The following RIPOR3 variants were observed in gnomAD, a reference collection of about 807,000 sequenced individuals.
The protein encoded by RIPOR3 is RIPOR family member 3, also known as family with sequence similarity 65 member C.
A neutral mutation model predicts 114.3 loss-of-function variants in RIPOR3; 95 were observed. That is an observed-to-expected ratio of 0.83 (90% CI 0.70 to 0.99). The LOEUF (loss-of-function observed/expected upper bound fraction) is 0.99. Ranked by LOEUF, RIPOR3 falls within the 50% of genes least tolerant of loss-of-function variation. The pLI is 0.00. For synonymous variants in RIPOR3, 575 were observed against 543.8 expected (o/e 1.06, Z -0.80); for missense variants, 1,252 against 1,266.9 (o/e 0.99, Z 0.18).
chr20:50,650,312 T>A (rs1338709893), intron 1 of RIPOR3, among the ~76,000 whole-genome samples: 1 of 151,908 alleles, frequency 6.6e-6, no homozygotes, highest in African/African-American at 2.4e-5. Context: ...ACATAGGAAT[T>A]TTTTTTTGAG....
intron 1 of RIPOR3, among the ~76,000 whole-genome samples, chr20:50,667,328 C>G (rs1227850546): frequency 1.7e-5 from 2 of 119,758 alleles, no homozygotes; most frequent in Non-Finnish European, 3.2e-5. Flanking sequence ...GAGTCTCGCT[C>G]TGTTACCCAG....
chr20:50,597,531 C>G lies in RIPOR3; in HGVS notation c.1790+49G>C. The G allele has an allele frequency of 1.9e-6, 3 of 1,567,356 alleles. No homozygotes were observed. In the South Asian group the frequency reaches 3.5e-5, roughly 18 times the overall value. On this transcript the variant is annotated intron_variant, in intron 14 of 21. Transcript: ENST00000327979. ...CAGGAAACGTGGAGCTCGGGTCACC[C>G]GGTGGGAGTGGTGGCCACTGGGTCA...
chr20:50,590,815 C>CTT lies in RIPOR3; in HGVS notation c.2578-1048_2578-1047dup, dbSNP rs11476746. Among the ~76,000 whole-genome samples, 163 of 131,666 alleles carry CTT rather than the reference C, an allele frequency of 1.2e-3. 1 individual carries two copies. The highest frequency in any genetic ancestry group is 2.6e-3 in the African/African-American group (92 of 36,018). 86.4% of individuals were successfully genotyped at this position (131,666 alleles called of 152,430 possible). A position where few individuals can be genotyped will look rare whatever the true frequency, so the allele number is the denominator to read the frequency against. On this transcript the variant is annotated intron_variant, in intron 19 of 21. Coordinates refer to ENST00000327979, the MANE Select transcript of RIPOR3 (RefSeq NM_001290268.2). The stretch of plus-strand genomic sequence containing the variant: ...AGTCTGTCACATGAAGATGAAGGCC[C>CTT]TTTTTTTTTTTTTTTTTGAGACAGA...
rs1177331526 is a variant in RIPOR3, at chr20:50,669,551, T to A, written c.3+21575A>T. On this transcript the variant is annotated intron_variant, in intron 1 of 21. Coordinates refer to ENST00000327979, the MANE Select transcript of RIPOR3 (RefSeq NM_001290268.2). ...TCCTGATCATCAACACAGACTTTGC[T>A]ATGAGACAGTAGGTTTAGAAGTCAC... Among the ~76,000 whole-genome samples, 5 of 152,262 alleles carry A rather than the reference T, an allele frequency of 3.3e-5. No individual in the cohort carries two copies. The East Asian group carries it at 9.7e-4, about 29-fold the overall frequency.
intron 12 of RIPOR3, among the ~76,000 whole-genome samples, chr20:50,603,083 C>G (rs1464041004): frequency 6.6e-6 from 1 of 152,212 alleles, no homozygotes; most frequent in Non-Finnish European, 1.5e-5. Context: ...CCCAGTGGGC[C>G]CCTTCCCTTC....
chr20:50,676,393 T>C (rs750746023), intron 1 of RIPOR3, among the ~76,000 whole-genome samples: 3 of 152,086 alleles, frequency 2.0e-5, no homozygotes, highest in Non-Finnish European at 4.4e-5. Flanking sequence ...GGCTCATGCC[T>C]GTAATCCCAG....
At chr20:50,614,987 G>A (rs915808580) in intron 4 of RIPOR3, among the ~76,000 whole-genome samples, 96 of 152,130 alleles carry the variant, frequency 6.3e-4, no homozygotes, top group Middle Eastern at 3.2e-3. Flanking sequence ...AATCTGGGAG[G>A]CAGAGGTTGC....
intron 1 of RIPOR3, among the ~76,000 whole-genome samples, chr20:50,643,023 G>A (rs2085261624): frequency 6.6e-6 from 1 of 151,878 alleles, no homozygotes; most frequent in Non-Finnish European, 1.5e-5. Flanking sequence ...ACTCCAGACT[G>A]GGCAACAAGA....
intron 1 of RIPOR3, among the ~76,000 whole-genome samples, chr20:50,681,061 G>A (rs1295980586): frequency 6.6e-6 from 1 of 151,626 alleles, no homozygotes; most frequent in Admixed American, 6.6e-5. Context: ...CCCAGTCTCT[G>A]CAAAAAATAA....
At chr20:50,589,018 C>T (rs1335136217) in intron 20 of RIPOR3, among the ~76,000 whole-genome samples, 1 of 140,570 alleles carries the variant, frequency 7.1e-6, no homozygotes, top group African/African-American at 2.7e-5. Flanking sequence ...GAAGGCAGAG[C>T]TTGCAGTGAG....
At chr20:50,657,629 C>T (rs2085855580) in intron 1 of RIPOR3, among the ~76,000 whole-genome samples, 1 of 151,954 alleles carries the variant, frequency 6.6e-6, no homozygotes, top group African/African-American at 2.4e-5. Flanking sequence ...GGCAAAATGA[C>T]ATCTCATTCT....
chr20:50,640,446 A>G (rs1320835860), intron 1 of RIPOR3, among the ~76,000 whole-genome samples: 1 of 148,326 alleles, frequency 6.7e-6, no homozygotes, highest in Non-Finnish European at 1.5e-5. Flanking sequence ...CTTTCCATCC[A>G]AAAACACACA....
intron 1 of RIPOR3, among the ~76,000 whole-genome samples, chr20:50,689,546 G>A (rs1405989278): frequency 2.6e-5 from 4 of 152,222 alleles, no homozygotes; most frequent in Non-Finnish European, 4.4e-5. Context: ...CGGAACTTAA[G>A]CGCTCTTCAA....
Position 50,602,473 on chromosome 20 carries a change from T to A in RIPOR3, c.1258A>T (p.Thr420Ser), listed in dbSNP as rs779802458. The change falls in exon 13 of 22, where the codon ACC becomes TCC. Residue 420 changes from threonine to serine, a missense_variant. By Grantham distance (58) the Thr-to-Ser change is moderately conservative (BLOSUM62 1). Transcript: ENST00000327979. The surrounding 1 kb of genome is among the most constrained non-coding windows in gnomAD (Gnocchi z 4.3). ...TCTGAGGTGGACGCCGACGTGCTGG[T>A]CTCCGTGTCTCGGGGGTCCTCAGAG... Reference protein sequence around the residue: ...FSSEDPRDTETSTSASTSDVG... With the variant: ...FSSEDPRDTESSTSASTSDVG... The A allele has an allele frequency of 1.9e-6, 3 of 1,550,978 alleles. No individual in the cohort carries two copies. In the East Asian group the frequency reaches 6.9e-5, roughly 36 times the overall value.
chr20:50,640,602 C>T (rs1256690304), intron 1 of RIPOR3, among the ~76,000 whole-genome samples: 1 of 148,168 alleles, frequency 6.7e-6, no homozygotes, highest in African/African-American at 2.6e-5. Context: ...GCCCCCAACC[C>T]TCTGTCATCT....
Position 50,609,685 on chromosome 20 carries a change from C to G in RIPOR3, c.464G>C (p.Arg155Pro). The G allele has an allele frequency of 1.4e-6, 2 of 1,392,076 alleles. No individual in the cohort carries two copies. The highest frequency in any genetic ancestry group is 1.9e-6 in the Non-Finnish European group (2 of 1,073,020). The allele number at this position is 1,392,076 out of a possible 1,614,324, so 86.2% of individuals were successfully genotyped here. A position where few individuals can be genotyped will look rare whatever the true frequency, so the allele number is the denominator to read the frequency against. The change falls in exon 7 of 22, where the codon CGC (arginine) becomes CCC (proline). Residue 155 changes from arginine to proline, a missense_variant. Transcript: ENST00000327979. ...CATGCTGGAGGCGCCGTCGCGCAGG[C>G]GGCACTGGATGCAGTAGTCCTCGTA... ...ELYEDYCIQC[R>P]LRDGASSMQR...
intron 1 of RIPOR3, among the ~76,000 whole-genome samples, chr20:50,686,246 C>T (rs1041222238): frequency 2.6e-5 from 4 of 151,592 alleles, no homozygotes; most frequent in East Asian, 4.0e-4. Flanking sequence ...TTAGTAGAGA[C>T]GGGGTTTCAC....
chr20:50,595,481 T>G lies in RIPOR3; in HGVS notation c.1938A>C (p.Ser646=), dbSNP rs192396944. 30 of 1,614,040 alleles carry G rather than the reference T, an allele frequency of 1.9e-5. No individual in the cohort carries two copies. In the African/African-American group the frequency reaches 2.5e-4, roughly 14 times the overall value. ...CCAGGAGGCATTCCTGGACCAGCCTTGATAAATTAGGGGAGGCCAGTTTCT... is the reference window on the plus strand; with the variant it reads ...CCAGGAGGCATTCCTGGACCAGCCTGGATAAATTAGGGGAGGCCAGTTTCT... ...LLQKLASPNL[S]RLVQECLLEE... The change falls in exon 16 of 22, where the codon TCA becomes TCC. Residue 646 remains serine (S), a synonymous_variant. Transcript: ENST00000327979.
At chr20:50,618,532 C>T (rs1444246490) in intron 3 of RIPOR3, among the ~76,000 whole-genome samples, 1 of 152,072 alleles carries the variant, frequency 6.6e-6, no homozygotes, top group Non-Finnish European at 1.5e-5. Context: ...GGAGTGTGCT[C>T]CAATGTCACC....
Sources: allele counts gnomAD v4.1 joint callset (sites outside exome capture counted in the v4.1 genomes callset), GRCh38; gene constraint gnomAD v4.1.1; non-coding constraint Gnocchi (gnomAD v3.1); transcripts MANE v1.5; gene names NCBI Gene and HGNC (gene_info 2026-07-23, HGNC 2026-07-21).